Variants in DACT1 observed in about 807,000 individuals in gnomAD.
The protein encoded by DACT1 is dishevelled binding antagonist of beta catenin 1, also known as dapper homolog 1.
A neutral mutation model predicts 35.3 loss-of-function variants in DACT1; 19 were observed. The ratio of observed to expected loss-of-function variants is 0.54; its 90% confidence interval spans 0.38 to 0.79. DACT1 has a LOEUF of 0.79. DACT1 is among the 30% of genes least tolerant of loss of function. DACT1 has a pLI of 0.00. For synonymous variants in DACT1, 545 were observed against 466.7 expected, an observed-to-expected ratio of 1.17 and a Z score of -2.16; for missense variants, 1,143 against 1,057.5, an observed-to-expected ratio of 1.08 and a Z score of -1.12.
chr14:58,642,429 A>G (rs1469927138), intron 3 of DACT1, among the ~76,000 whole-genome samples: 3 of 152,014 alleles, frequency 2.0e-5, no homozygotes, highest in African/African-American at 4.8e-5. Context: ...GGTCATAGTG[A>G]GCCGAGATTG....
At chr14:58,641,487 A>C in intron 2 of DACT1, 105 bp from the exon 3 acceptor site, 1 of 1,358,846 alleles carries the variant, frequency 7.4e-7, no homozygotes, top group Non-Finnish European at 1.0e-6. Flanking sequence ...CCAAAAAACA[A>C]ACAAAAAATC....
At position 58,646,423 on chromosome 14, in the gene DACT1, C is replaced by T. The variant is rs745383734; in HGVS notation, c.1689C>T (p.Thr563=). 2 of 1,597,652 alleles carry T rather than the reference C, an allele frequency of 1.3e-6. No homozygotes were observed. Among genetic ancestry groups the T allele is most frequent in the South Asian group, 1.1e-5 (1 of 88,742 alleles). ...ALQGLENGLP[T]VREKTRAGSK... is the part of the protein sequence containing the mutation. ...AGGGGCTGGAGAACGGCTTGCCCAC[C>T]GTCAGGGAGAAAACGCGGGCCGGGA... The change falls in exon 4 of 4, where the codon ACC becomes ACT. Residue 563 remains threonine (T), a synonymous_variant. Coordinates refer to ENST00000395153, the MANE Select transcript of DACT1 (RefSeq NM_001079520.2).
At chr14:58,636,427 GC>G (rs1447619758), upstream of DACT1, among the ~76,000 whole-genome samples, 3 of 152,192 alleles carry the variant, frequency 2.0e-5, no homozygotes, top group South Asian at 6.2e-4. Context: ...AACAGTCCCT[GC>G]CTTCAGGAAG....
At chr14:58,639,321 T>A in intron 1 of DACT1, 1 of 951,264 alleles carries the variant, frequency 1.1e-6, no homozygotes, top group Non-Finnish European at 1.3e-6. Flanking sequence ...GCAGTCTTCA[T>A]TAATGGGGAA....
rs757031245 is a variant in DACT1 at position 58,645,953 on chromosome 14, G to A, written c.1219G>A (p.Ala407Thr). 2.5e-6 allele frequency: 4 copies of A among 1,613,880 alleles called. No homozygotes were observed. In the South Asian group the frequency reaches 4.4e-5, roughly 18 times the overall value. ...PLPEGCPSGA[A>T]SDLQSKHLPK... is the part of the protein sequence containing the mutation. The stretch of plus-strand genomic sequence containing the variant: ...GCCAGAGGGCTGCCCCTCAGGCGCT[G>A]CCTCCGACCTTCAGAGTAAGCACCT... The change falls in exon 4 of 4, where the codon GCC (alanine) becomes ACC (threonine). Residue 407 changes from alanine (A) to threonine (T), a missense_variant. Transcript: ENST00000395153.
chr14:58,641,746 A>C lies in DACT1; in HGVS notation c.633A>C (p.Ala211=). The C allele has an allele frequency of 1.2e-6, 2 of 1,612,250 alleles. No homozygotes were observed. Among genetic ancestry groups the C allele is most frequent in the Non-Finnish European group, 8.5e-7 (1 of 1,179,576 alleles). ...LSLSDGCPKS[A]DVNPKYQCDL... Reference sequence around the variant, plus strand: ...TCTCAGATGGTTGCCCCAAATCTGCAGGTAAGAATTTTTAGCACTGATAGA... The same window carrying C: ...TCTCAGATGGTTGCCCCAAATCTGCCGGTAAGAATTTTTAGCACTGATAGA... Residue 211 remains alanine, a splice_region_variant and synonymous_variant, in exon 3 of 4, where the codon GCA becomes GCC. Transcript: ENST00000395153.
At chr14:58,635,119 G>A (rs549438000), upstream of DACT1, among the ~76,000 whole-genome samples, 18 of 152,250 alleles carry the variant, frequency 1.2e-4, no homozygotes, top group Non-Finnish European at 8.8e-5. Context: ...TAATGAAATA[G>A]CACTAGTGGA....
rs1238948516 is a variant in DACT1, at chr14:58,646,671, C to A, written c.1937C>A (p.Ala646Asp). The change falls in exon 4 of 4, where the codon GCC becomes GAC. Residue 646 changes from alanine (A) to aspartate (D), a missense_variant. This residue lies in a region of DACT1 where 1,054 missense variants were observed against 958.8 expected (regional missense o/e 1.10). Transcript: ENST00000395153. ...GACTACCGGCGGTGGAAGTCCTCGGCCGAGATTTCCTACGAAGAGGCCCTG... is the reference window on the plus strand; with the variant it reads ...GACTACCGGCGGTGGAAGTCCTCGGACGAGATTTCCTACGAAGAGGCCCTG... ...RTDYRRWKSS[A>D]EISYEEALRR... is the part of the protein sequence containing the mutation. 6.2e-7 allele frequency: 1 copy of A among 1,612,448 alleles called. No homozygotes were observed. The highest frequency in any genetic ancestry group is 1.3e-5 in the African/African-American group (1 of 74,906).
rs556194564 is a variant in DACT1, at chr14:58,641,617, T to C, written c.504T>C (p.Ala168=). ...SSGFYELSDG[A]SGSLSNSSNS... is the part of the protein sequence containing the mutation. The stretch of plus-strand genomic sequence containing the variant: ...GGTTTTATGAGCTGAGTGATGGGGC[T>C]TCAGGATCCCTTTCCAATTCCTCTA... Residue 168 remains alanine, a synonymous_variant, in exon 3 of 4, where the codon GCT becomes GCC. Coordinates refer to ENST00000395153, the MANE Select transcript of DACT1 (RefSeq NM_001079520.2). The C allele has an allele frequency of 1.2e-6, 2 of 1,614,180 alleles. No homozygotes were observed. The highest frequency in any genetic ancestry group is 1.7e-5 in the Admixed American group (1 of 60,014).
At position 58,646,564 on chromosome 14, in the gene DACT1, G is replaced by A. The variant is rs1462784874; in HGVS notation, c.1830G>A (p.Ala610=). The change falls in exon 4 of 4, where the codon GCG becomes GCA. Residue 610 remains alanine (A), a synonymous_variant. Coordinates refer to ENST00000395153, the MANE Select transcript of DACT1 (RefSeq NM_001079520.2). The part of the protein sequence containing the change: ...GPEAGVPGRP[A]GGGHRAGSRA... ...AGGCTGGTGTTCCCGGCAGGCCCGC[G>A]GGCGGGGGCCACAGGGCGGGGAGCA... 1 of 1,561,144 alleles carries A rather than the reference G, an allele frequency of 6.4e-7. No individual in the cohort carries two copies. The highest frequency in any genetic ancestry group is 8.7e-7 in the Non-Finnish European group (1 of 1,155,098).
rs186211434 is a variant in DACT1, at chr14:58,646,255, C to T, written c.1521C>T (p.Gly507=). The stretch of plus-strand genomic sequence containing the variant: ...CTGCCTTGGATTTCAAGAGCGAGGG[C>T]TCTTCCCAAAGCCTGGAGGAAGCGC... The part of the protein sequence containing the change: ...ERPALDFKSE[G]SSQSLEEAHL... The change falls in exon 4 of 4, where the codon GGC becomes GGT. Residue 507 remains glycine, a synonymous_variant. Transcript: ENST00000395153. 3.7e-6 allele frequency: 6 copies of T among 1,613,976 alleles called. No individual in the cohort carries two copies. In the African/African-American group the frequency reaches 4.0e-5, roughly 11 times the overall value.
Position 58,646,706 on chromosome 14 carries a change from C to CTGA in DACT1, c.1972_1973insTGA (p.Ala657_Arg658insLeu). On this transcript the variant is annotated inframe_insertion, in exon 4 of 4. Transcript: ENST00000395153. Reference sequence around the variant, plus strand: ...CTACGAAGAGGCCCTGAGGAGGGCCCGGCGCGGTCGCCGGGAGAATGTGGG... The same window carrying CTGA: ...CTACGAAGAGGCCCTGAGGAGGGCCCTGAGGCGCGGTCGCCGGGAGAATGTGGG... The CTGA allele has an allele frequency of 6.2e-7, 1 of 1,613,162 alleles. No homozygotes were observed. Among genetic ancestry groups the CTGA allele is most frequent in the Non-Finnish European group, 8.5e-7 (1 of 1,179,918 alleles).
chr14:58,638,391 G>A lies in DACT1; in HGVS notation c.189G>A (p.Gln63=), dbSNP rs1040028427. Reference sequence around the variant, plus strand: ...TGGCGGAGCTGGAGTACCTGCGCCAGCGCCAAGAGCTGCTGGTCAGGGGCG... The same window carrying A: ...TGGCGGAGCTGGAGTACCTGCGCCAACGCCAAGAGCTGCTGGTCAGGGGCG... The part of the protein sequence containing the change: ...AGLAELEYLR[Q]RQELLVRGAL... Residue 63 remains glutamine, a synonymous_variant, in exon 1 of 4, where the codon CAG becomes CAA. Transcript: ENST00000395153. 3 of 1,300,914 alleles carry A rather than the reference G, an allele frequency of 2.3e-6. No homozygotes were observed. The highest frequency in any genetic ancestry group is 4.2e-5 in the Admixed American group (1 of 24,088). 80.6% of individuals were successfully genotyped at this position (1,300,914 alleles called of 1,614,324 possible).
In DACT1 at chr14:58,640,837, G is replaced by A. The variant is rs2047619836; in HGVS notation, c.447G>A (p.Glu149=). 1.9e-6 allele frequency: 3 copies of A among 1,614,154 alleles called. No individual in the cohort carries two copies. In the Admixed American group the frequency reaches 5.0e-5, roughly 27 times the overall value. ...LRLDVEKTSE[E]HLETDSRPSS... The stretch of plus-strand genomic sequence containing the variant: ...TGGATGTAGAAAAGACATCTGAAGA[G>A]CACCTGGAGACAGACAGTCGGCCTA... Residue 149 remains glutamate, a synonymous_variant, in exon 2 of 4, where the codon GAG becomes GAA. Transcript: ENST00000395153.
chr14:58,647,836 C>G lies in DACT1; in HGVS notation c.*702C>G, dbSNP rs1415783602. The G allele has an allele frequency of 6.0e-6, 1 of 167,112 alleles. No individual in the cohort carries two copies. The highest frequency in any genetic ancestry group is 2.4e-5 in the African/African-American group (1 of 41,454). 10.4% of individuals were successfully genotyped at this position (167,112 alleles called of 1,614,324 possible). On this transcript the variant is annotated 3_prime_UTR_variant, in exon 4 of 4. Transcript: ENST00000395153. Reference sequence around the variant, plus strand: ...CGTTTATCCAACATTTAGATGCCTTCTTTTCCCTCCCTAATTTGTAGCCAG... The same window carrying G: ...CGTTTATCCAACATTTAGATGCCTTGTTTTCCCTCCCTAATTTGTAGCCAG...
In DACT1 at chr14:58,646,115, CAGG is replaced by C. The variant is rs2047677223; in HGVS notation, c.1384_1386del (p.Glu462del). Reference sequence around the variant, plus strand: ...TCCTAGCAGAGGCCCTGCCCCGCCGCAGGAGAACAAAGTTGTACAGCCCCTGAA... The same window carrying C: ...TCCTAGCAGAGGCCCTGCCCCGCCGCAGAACAAAGTTGTACAGCCCCTGAA... On this transcript the variant is annotated inframe_deletion, in exon 4 of 4. Coordinates refer to ENST00000395153, the MANE Select transcript of DACT1 (RefSeq NM_001079520.2). The C allele has an allele frequency of 3.7e-6, 6 of 1,612,800 alleles. No individual in the cohort carries two copies. Among genetic ancestry groups the C allele is most frequent in the Non-Finnish European group, 5.1e-6 (6 of 1,179,684 alleles).
Position 58,646,058 on chromosome 14 carries a change from G to A in DACT1, c.1324G>A (p.Ala442Thr). The change falls in exon 4 of 4, where the codon GCT becomes ACT. Residue 442 changes from alanine (A) to threonine (T), a missense_variant. Physicochemically the swap from Ala to Thr is moderately conservative, Grantham distance 58. Transcript: ENST00000395153. ...GACAGGGGAGTCCCCTAAGGAAAGC[G>A]CTCAGCTCTCAGGGGCCTCTCCAAA... ...IGTGESPKES[A>T]QLSGASPKES... 1 of 1,613,950 alleles carries A rather than the reference G, an allele frequency of 6.2e-7. No individual in the cohort carries two copies. Among genetic ancestry groups the A allele is most frequent in the East Asian group, 2.2e-5 (1 of 44,866 alleles).
At chr14:58,639,875 T>C (rs966135561) in intron 1 of DACT1, among the ~76,000 whole-genome samples, 4 of 152,244 alleles carry the variant, frequency 2.6e-5, no homozygotes, top group Non-Finnish European at 4.4e-5. Flanking sequence ...TTACATTTTA[T>C]TGTTTTGTGC....
chr14:58,639,865 T>C (rs1274896559), intron 1 of DACT1, among the ~76,000 whole-genome samples: 1 of 152,266 alleles, frequency 6.6e-6, no homozygotes, highest in Non-Finnish European at 1.5e-5. Context: ...CTGGTGACTT[T>C]TACATTTTAT....
Sources: allele counts gnomAD v4.1 joint callset (sites outside exome capture counted in the v4.1 genomes callset), GRCh38; gene constraint gnomAD v4.1.1; regional missense constraint gnomAD v4.1.1; transcripts MANE v1.5; gene names NCBI Gene and HGNC (gene_info 2026-07-23, HGNC 2026-07-21).